Variants in FBXL22 observed in about 807,000 individuals in gnomAD.
The protein encoded by FBXL22 is F-box and leucine rich repeat protein 22, also known as F-box and leucine-rich protein 22.
Under a neutral mutation model 11.7 loss-of-function variants are expected in FBXL22, and 13 were observed. The ratio of observed to expected loss-of-function variants is 1.11; its 90% confidence interval spans 0.73 to 1.77. The LOEUF (loss-of-function observed/expected upper bound fraction) is 1.77, where lower values mean the gene tolerates loss of function less well. Among genes scored for constraint, FBXL22 ranks in the 40% most tolerant of loss-of-function variants. The pLI is 0.00. For missense variants in FBXL22, 406 were observed against 320.4 expected, an observed-to-expected ratio of 1.27 and a Z score of -2.04; for synonymous variants, 160 against 144.1, an observed-to-expected ratio of 1.11 and a Z score of -0.79.
At chr15:63,603,582 C>T (rs186656817), downstream of FBXL22, among the ~76,000 whole-genome samples, 13 of 152,278 alleles carry the variant, frequency 8.5e-5, no homozygotes, top group Admixed American at 7.8e-4. Flanking sequence ...GGAACCAGGG[C>T]GCCATGCACA....
rs1157328394 is a variant in FBXL22 at position 63,600,978 on chromosome 15, C to G, written c.635C>G (p.Pro212Arg). 8.4e-7 allele frequency: 1 copy of G among 1,191,946 alleles called. No individual in the cohort carries two copies. Among genetic ancestry groups the G allele is most frequent in the African/African-American group, 1.6e-5 (1 of 62,808 alleles). 73.8% of individuals were successfully genotyped at this position (1,191,946 alleles called of 1,614,324 possible). A position where few individuals can be genotyped will look rare whatever the true frequency, so the allele number is the denominator to read the frequency against. ...GCAGAGCACAGCGCCGCCATGCTGCCCGACCAGCCCCCGCGCCCGCGCGCG... is the reference window on the plus strand; with the variant it reads ...GCAGAGCACAGCGCCGCCATGCTGCGCGACCAGCCCCCGCGCCCGCGCGCG... ...LRAEHSAAMLPDQPPRPRAPA... is the reference protein window; with the variant it reads ...LRAEHSAAMLRDQPPRPRAPA... The change falls in exon 2 of 2, where the codon CCC becomes CGC. Residue 212 changes from proline to arginine, a missense_variant. Transcript: ENST00000638704.
chr15:63,600,388 G>A (rs1369962132), intron 1 of FBXL22: 1 of 1,151,040 alleles, frequency 8.7e-7, no homozygotes, highest in Non-Finnish European at 1.1e-6. Flanking sequence ...CCTGGAACCG[G>A]CATTCCCTCT....
At chr15:63,600,548 A>G (rs147096577) in intron 1 of FBXL22, 149 bp from the exon 2 acceptor site, 92 of 1,229,568 alleles carry the variant, frequency 7.5e-5, no homozygotes, top group Non-Finnish European at 8.7e-5. Flanking sequence ...CAGAAAGCCG[A>G]CTTGGAACCC....
At chr15:63,601,798 G>GA (rs982470211), downstream of FBXL22, 1,633 of 1,329,774 alleles carry the variant, frequency 1.2e-3, no homozygotes, top group African/African-American at 6.0e-3. Flanking sequence ...TGATTTGGAA[G>GA]AAAAAAAAAG....
At chr15:63,607,370 G>C (rs1566932434), downstream of FBXL22, among the ~76,000 whole-genome samples, 1 of 152,210 alleles carries the variant, frequency 6.6e-6, no homozygotes, top group Non-Finnish European at 1.5e-5. Flanking sequence ...AGAGGCCCAG[G>C]CAGGGCCTTC....
Position 63,600,955 on chromosome 15 carries a change from A to C in FBXL22, c.612A>C (p.Ala204=), listed in dbSNP as rs2067361098. 1.7e-6 allele frequency: 2 copies of C among 1,196,492 alleles called. No individual in the cohort carries two copies. The highest frequency in any genetic ancestry group is 8.3e-5 in the South Asian group (2 of 24,088). 74.1% of individuals were successfully genotyped at this position (1,196,492 alleles called of 1,614,324 possible). A position where few individuals can be genotyped will look rare whatever the true frequency, so the allele number is the denominator to read the frequency against. ...CGTGCCCGCGCCTGGCCCTGCGGGC[A>C]GAGCACAGCGCCGCCATGCTGCCCG... ...RAACPRLALR[A]EHSAAMLPDQ... The change falls in exon 2 of 2, where the codon GCA becomes GCC. Residue 204 remains alanine (A), a synonymous_variant. Transcript: ENST00000638704.
chr15:63,601,472 T>TCCGGGCGGAGCGACCCAGCGAGAC, downstream of FBXL22: 1 of 1,560,758 alleles, frequency 6.4e-7, no homozygotes, highest in Non-Finnish European at 8.7e-7. Flanking sequence ...CTGGGGAGCC[T>TCCGGGCGGAGCGACCCAGCGAGAC]CCGGGCGGAG....
chr15:63,597,588 C>T lies in FBXL22; in HGVS notation c.196C>T (p.Leu66Phe), dbSNP rs771407097. ...CACTGAACTCCAGAAGGACAACTTC[C>T]TCCTGGGCCCGGCACTCCGCAGCCT... ...SLTELQKDNF[L>F]LGPALRSLSI... is the part of the protein sequence containing the mutation. The change falls in exon 1 of 2, where the codon CTC becomes TTC. Residue 66 changes from leucine (L) to phenylalanine (F), a missense_variant. Leu to Phe is a conservative substitution (Grantham distance 22, BLOSUM62 0). Coordinates refer to ENST00000638704, the MANE Select transcript of FBXL22 (RefSeq NM_001367807.1). This position sits in a 1 kb window ranked among gnomAD's most constrained non-coding sequence, Gnocchi z 4.3. The T allele has an allele frequency of 1.2e-6, 2 of 1,614,114 alleles. No individual in the cohort carries two copies. The highest frequency in any genetic ancestry group is 1.7e-6 in the Non-Finnish European group (2 of 1,180,032).
downstream of FBXL22, chr15:63,601,763 A>G: frequency 6.8e-7 from 1 of 1,480,718 alleles, no homozygotes; most frequent in Non-Finnish European, 9.0e-7. Flanking sequence ...CATATTTTCT[A>G]CTGTTCTCAT....
Position 63,601,067 on chromosome 15 carries a change from A to C in FBXL22, c.*28A>C. The C allele has an allele frequency of 1.9e-5, 23 of 1,226,564 alleles. No homozygotes were observed. The highest frequency in any genetic ancestry group is 1.9e-5 in the Non-Finnish European group (19 of 984,474). The allele number at this position is 1,226,564 out of a possible 1,614,324, so 76.0% of individuals were successfully genotyped here. A position where few individuals can be genotyped will look rare whatever the true frequency, so the allele number is the denominator to read the frequency against. ...GCCGCCCCGCCGCTGCCCCCGGGGAAGGAGCGCAGCCCCAGACCGTCCTGG... is the reference window on the plus strand; with the variant it reads ...GCCGCCCCGCCGCTGCCCCCGGGGACGGAGCGCAGCCCCAGACCGTCCTGG... On this transcript the variant is annotated 3_prime_UTR_variant, in exon 2 of 2. Transcript: ENST00000638704.
In FBXL22 at chr15:63,600,690, C is replaced by T; in HGVS notation, c.354-7C>T. ...GTGAGCCCCGGGTCACCGCACTCTC[C>T]TCACAGGTGCCCCAACCTGGCGTCC... On this transcript the variant is annotated splice_region_variant and splice_polypyrimidine_tract_variant and intron_variant, in intron 1 of 1. Transcript: ENST00000638704. 1 of 1,231,496 alleles carries T rather than the reference C, an allele frequency of 8.1e-7. No individual in the cohort carries two copies. Among genetic ancestry groups the T allele is most frequent in the Non-Finnish European group, 1.0e-6 (1 of 987,786 alleles). The allele number at this position is 1,231,496 out of a possible 1,614,324, so 76.3% of individuals were successfully genotyped here.
At chr15:63,599,524 A>C (rs2067329802) in intron 1 of FBXL22, 5 of 1,123,140 alleles carry the variant, frequency 4.5e-6, no homozygotes, top group Non-Finnish European at 5.5e-6. Context: ...CTTCATGTAC[A>C]AAACTGGGGG....
intron 1 of FBXL22, chr15:63,600,458 C>A: frequency 8.2e-7 from 1 of 1,215,778 alleles, no homozygotes; most frequent in Non-Finnish European, 1.0e-6. Context: ...TAGGGGCTCC[C>A]AAGGCTACGA....
chr15:63,600,817 C>T lies in FBXL22; in HGVS notation c.474C>T (p.Arg158=), dbSNP rs926525381. The change falls in exon 2 of 2, where the codon CGC becomes CGT. Residue 158 remains arginine (R), a synonymous_variant. Coordinates refer to ENST00000638704, the MANE Select transcript of FBXL22 (RefSeq NM_001367807.1). ...CACTGCGCCTGGAGAACTGCGCGCG[C>T]GTCACCAACCGCACGTTGGCTGCCG... is the stretch of plus-strand genomic sequence containing the variant. ...LRALRLENCA[R]VTNRTLAAVA... is the part of the protein sequence containing the mutation. 59 of 1,230,690 alleles carry T rather than the reference C, an allele frequency of 4.8e-5. No homozygotes were observed. The highest frequency in any genetic ancestry group is 5.4e-5 in the Non-Finnish European group (53 of 987,354). The allele number at this position is 1,230,690 out of a possible 1,614,324, so 76.2% of individuals were successfully genotyped here.
chr15:63,604,884 C>G (rs900076407), downstream of FBXL22, among the ~76,000 whole-genome samples: 2 of 152,042 alleles, frequency 1.3e-5, no homozygotes, highest in African/African-American at 4.8e-5. Flanking sequence ...GTGAAAAACT[C>G]TCTTCTAAAA....
Position 63,600,824 on chromosome 15 carries a change from A to C in FBXL22, c.481A>C (p.Asn161His). The C allele has an allele frequency of 8.1e-7, 1 of 1,230,706 alleles. No individual in the cohort carries two copies. The highest frequency in any genetic ancestry group is 1.0e-6 in the Non-Finnish European group (1 of 987,292). 76.2% of individuals were successfully genotyped at this position (1,230,706 alleles called of 1,614,324 possible). A position where few individuals can be genotyped will look rare whatever the true frequency, so the allele number is the denominator to read the frequency against. Reference protein sequence around the residue: ...LRLENCARVTNRTLAAVAADG... With the variant: ...LRLENCARVTHRTLAAVAADG... ...CCTGGAGAACTGCGCGCGCGTCACC[A>C]ACCGCACGTTGGCTGCCGTGGCGGC... is the stretch of plus-strand genomic sequence containing the variant. The change falls in exon 2 of 2, where the codon AAC becomes CAC. Residue 161 changes from asparagine (N) to histidine (H), a missense_variant. Transcript: ENST00000638704.
At chr15:63,607,645 A>C in the FBXL22 span, among the ~76,000 whole-genome samples, 3 of 152,188 alleles carry the variant, frequency 2.0e-5, no homozygotes, top group Admixed American at 6.5e-5. Context: ...TTTTCTTTTA[A>C]TTTCTCTTTG....
At chr15:63,601,544 CGGT>C (rs1427390820), downstream of FBXL22, 2 of 1,558,614 alleles carry the variant, frequency 1.3e-6, no homozygotes, top group Non-Finnish European at 1.7e-6. Flanking sequence ...CCAGGAGCCC[CGGT>C]GGTGATCTCG....
At chr15:63,601,689 G>A, downstream of FBXL22, 4 of 1,602,336 alleles carry the variant, frequency 2.5e-6, no homozygotes, top group East Asian at 2.2e-5. Flanking sequence ...CGCAGTGACC[G>A]CACTCGCGAT....
Sources: gnomAD v4.1 joint callset for allele counts (sites outside exome capture counted in the v4.1 genomes callset) on GRCh38, gnomAD v4.1.1 for gene constraint, Gnocchi (gnomAD v3.1) non-coding constraint, MANE v1.5 for transcripts, NCBI Gene and HGNC (gene_info 2026-07-23, HGNC 2026-07-21) for gene names.